The following ZNF212 variants were observed in gnomAD, a reference collection of about 807,000 sequenced individuals.
The protein encoded by ZNF212 is zinc finger protein 212, also known as Zinc finger protein C2H2-150.
In ZNF212, 32 loss-of-function variants were observed where a neutral mutation model predicts 47.3. That is an observed-to-expected ratio of 0.68 (90% confidence interval 0.51 to 0.91). The LOEUF is 0.91. Among genes scored for constraint, ZNF212 ranks in the 40% least tolerant of loss-of-function variants. The pLI is 0.00. For missense variants in ZNF212, 555 were observed against 622.8 expected (o/e 0.89, Z 1.16); for synonymous variants, 242 against 253.8 (o/e 0.95, Z 0.44).
intron 3 of ZNF212, among the ~76,000 whole-genome samples, chr7:149,251,645 G>A (rs769069691): frequency 2.2e-4 from 33 of 151,660 alleles, no homozygotes; most frequent in South Asian, 2.1e-4. Flanking sequence ...ATGCCACTGC[G>A]CCTGGCTAAT....
chr7:149,244,947 A>G (rs1169012906), intron 1 of ZNF212, among the ~76,000 whole-genome samples: 1 of 152,206 alleles, frequency 6.6e-6, no homozygotes, highest in African/African-American at 2.4e-5. Context: ...TGCAAAGTAG[A>G]TGATGATGTC....
rs1563189864 is a variant in ZNF212 at position 149,253,789 on chromosome 7, C to T, written c.862C>T (p.Pro288Ser). The T allele has an allele frequency of 6.2e-7, 1 of 1,614,024 alleles. No homozygotes were observed. The highest frequency in any genetic ancestry group is 2.2e-5 in the East Asian group (1 of 44,892). Reference protein sequence around the residue: ...VPSSSRTVGCPKQKSHRQVQL... With the variant: ...VPSSSRTVGCSKQKSHRQVQL... ...TAGCAGCAGCAGAACTGTGGGCTGC[C>T]CGAAGCAGAAATCTCATAGGCAGGT... Residue 288 changes from proline (P) to serine (S), a missense_variant, in exon 5 of 5, where the codon CCG becomes TCG. Coordinates refer to ENST00000335870, the MANE Select transcript of ZNF212 (RefSeq NM_012256.4).
At position 149,250,272 on chromosome 7, in the gene ZNF212, C is replaced by T. The variant is rs144451687; in HGVS notation, c.138C>T (p.Ala46=). ...AGATTTCACTCTGGACGGTGGTGGCCGCTATTCAGGCTGTGGAGAAGAAGA... is the reference window on the plus strand; with the variant it reads ...AGATTTCACTCTGGACGGTGGTGGCTGCTATTCAGGCTGTGGAGAAGAAGA... ...TTEISLWTVV[A]AIQAVEKKME... Residue 46 remains alanine (A), a synonymous_variant, in exon 2 of 5, where the codon GCC becomes GCT. Coordinates refer to ENST00000335870, the MANE Select transcript of ZNF212 (RefSeq NM_012256.4). The T allele has an allele frequency of 2.2e-5, 36 of 1,613,494 alleles. No individual in the cohort carries two copies. The highest frequency in any genetic ancestry group is 1.6e-4 in the Middle Eastern group (1 of 6,078).
chr7:149,254,417 G>A lies in ZNF212; in HGVS notation c.*2G>A. ...GGAAGGCCCAATGGCCTGCTTTAAG[G>A]GTGCAGCCCCTCGCCCGTCTGGGGG... On this transcript the variant is annotated 3_prime_UTR_variant, in exon 5 of 5. Transcript: ENST00000335870. The surrounding 1 kb of genome is among the most constrained non-coding windows in gnomAD (Gnocchi z 4.5). 6.3e-7 allele frequency: 1 copy of A among 1,591,858 alleles called. No homozygotes were observed. The highest frequency in any genetic ancestry group is 8.5e-7 in the Non-Finnish European group (1 of 1,175,084).
rs1458037407 is a variant in ZNF212, at chr7:149,254,085, C to A, written c.1158C>A (p.Thr386=). 2 of 1,612,742 alleles carry A rather than the reference C, an allele frequency of 1.2e-6. No homozygotes were observed. Among genetic ancestry groups the A allele is most frequent in the Non-Finnish European group, 1.7e-6 (2 of 1,179,458 alleles). ...RSFSCKVSLV[T]HQRCHLQEGP... ...TCAGCTGCAAGGTGAGCCTGGTGAC[C>A]CATCAGCGTTGCCACCTGCAGGAGG... Residue 386 remains threonine, a synonymous_variant, in exon 5 of 5, where the codon ACC becomes ACA. Transcript: ENST00000335870. The surrounding 1 kb of genome is among the most constrained non-coding windows in gnomAD (Gnocchi z 4.5).
At chr7:149,250,131 C>T (rs1354358377) in intron 1 of ZNF212, 28 bp from the exon 2 acceptor site, 3 of 1,485,924 alleles carry the variant, frequency 2.0e-6, no homozygotes, top group Middle Eastern at 1.8e-4. Context: ...TTGGAAGTGA[C>T]ATTGACCCTG....
intron 1 of ZNF212, among the ~76,000 whole-genome samples, chr7:149,242,029 T>C (rs1309293408): frequency 3.4e-5 from 5 of 147,452 alleles, no homozygotes; most frequent in African/African-American, 7.5e-5. Flanking sequence ...TTCTTTTTTT[T>C]TTTTTTTTTT....
In ZNF212 at chr7:149,253,775, G is replaced by C; in HGVS notation, c.848G>C (p.Arg283Thr). The change falls in exon 5 of 5, where the codon AGA becomes ACA. Residue 283 changes from arginine to threonine, a missense_variant. Physicochemically the swap from Arg to Thr is moderately conservative, Grantham distance 71. Coordinates refer to ENST00000335870, the MANE Select transcript of ZNF212 (RefSeq NM_012256.4). ...PVGSRVPSSS[R>T]TVGCPKQKSH... ...GGTAGTAGAGTTCCTAGCAGCAGCA[G>C]AACTGTGGGCTGCCCGAAGCAGAAA... The C allele has an allele frequency of 1.2e-6, 2 of 1,614,118 alleles. No individual in the cohort carries two copies. Among genetic ancestry groups the C allele is most frequent in the Non-Finnish European group, 1.7e-6 (2 of 1,179,956 alleles).
chr7:149,252,716 CCAGA>C lies in ZNF212; in HGVS notation c.557_560del (p.Thr186ArgfsTer29), dbSNP rs773254527. 1.2e-6 allele frequency: 2 copies of C among 1,614,056 alleles called. No individual in the cohort carries two copies. Among genetic ancestry groups the C allele is most frequent in the Admixed American group, 1.7e-5 (1 of 60,016 alleles). ...CTGTTTCCCACCCAGAGGTCCTTGG[CCAGA>C]CAGAGGGAGAAGCGGAGTTGGGTAC... On this transcript the variant is annotated frameshift_variant, in exon 4 of 5. Coordinates refer to ENST00000335870, the MANE Select transcript of ZNF212 (RefSeq NM_012256.4). LOFTEE classifies it high-confidence loss of function.
chr7:149,250,916 G>T, intron 3 of ZNF212, 109 bp downstream of exon 3: 1 of 1,470,434 alleles, frequency 6.8e-7, no homozygotes, highest in Non-Finnish European at 9.2e-7. Flanking sequence ...TGGGTCCTCT[G>T]TCGGCCTGCA....
chr7:149,250,851 A>T, intron 3 of ZNF212, 44 bp downstream of exon 3: 1 of 1,608,890 alleles, frequency 6.2e-7, no homozygotes, highest in Non-Finnish European at 8.5e-7. Context: ...CAGACATACT[A>T]CAATTCCTGG....
chr7:149,250,052 T>C, intron 1 of ZNF212, 107 bp from the exon 2 acceptor site: 1 of 1,137,942 alleles, frequency 8.8e-7, no homozygotes, highest in Non-Finnish European at 1.1e-6. Flanking sequence ...ACATGCTTTT[T>C]TTTAATTAAA....
Position 149,253,566 on chromosome 7 carries a change from G to A in ZNF212, c.639G>A (p.Gly213=), listed in dbSNP as rs369345145. 4.4e-6 allele frequency: 7 copies of A among 1,598,746 alleles called. No individual in the cohort carries two copies. Among genetic ancestry groups the A allele is most frequent in the Middle Eastern group, 3.3e-4 (2 of 6,010 alleles). Reference sequence around the variant, plus strand: ...TCTTCTTCCACTTTGCAGCAGGTGGGGTCATGATCAAACAGGAGCTACAGT... The same window carrying A: ...TCTTCTTCCACTTTGCAGCAGGTGGAGTCATGATCAAACAGGAGCTACAGT... ...EGPGGAHPAG[G]VMIKQELQYT... is the part of the protein sequence containing the mutation. Residue 213 remains glycine, a synonymous_variant, in exon 5 of 5, where the codon GGG becomes GGA. Transcript: ENST00000335870.
chr7:149,248,502 A>T (rs1025078000), intron 1 of ZNF212, among the ~76,000 whole-genome samples: 13 of 152,352 alleles, frequency 8.5e-5, no homozygotes, highest in Admixed American at 7.2e-4. Flanking sequence ...TGTTCCCATC[A>T]TGCTAGATAA....
At chr7:149,251,023 T>A (rs1359487143) in intron 3 of ZNF212, among the ~76,000 whole-genome samples, 2 of 151,048 alleles carry the variant, frequency 1.3e-5, no homozygotes, top group African/African-American at 4.9e-5. Context: ...CAGAGACTTT[T>A]GGAAAGCTCG....
chr7:149,250,261 A>G lies in ZNF212; in HGVS notation c.127A>G (p.Thr43Ala), dbSNP rs773318733. Residue 43 changes from threonine (T) to alanine (A), a missense_variant, in exon 2 of 5, where the codon ACG (threonine) becomes GCG (alanine). Coordinates refer to ENST00000335870, the MANE Select transcript of ZNF212 (RefSeq NM_012256.4). ...YFQTTEISLW[T>A]VVAAIQAVEK... is the part of the protein sequence containing the mutation. ...TCAGACCACCGAGATTTCACTCTGG[A>G]CGGTGGTGGCCGCTATTCAGGCTGT... The G allele has an allele frequency of 5.6e-6, 9 of 1,612,510 alleles. No homozygotes were observed. In the South Asian group the frequency reaches 9.9e-5, roughly 18 times the overall value.
At chr7:149,244,310 T>G (rs1420743989) in intron 1 of ZNF212, among the ~76,000 whole-genome samples, 1 of 152,120 alleles carries the variant, frequency 6.6e-6, no homozygotes, top group African/African-American at 2.4e-5. Context: ...TTATTTTTAT[T>G]TTTATTTTTA....
At position 149,254,178 on chromosome 7, in the gene ZNF212, C is replaced by T. The variant is rs764946388; in HGVS notation, c.1251C>T (p.His417=). 20 of 1,614,264 alleles carry T rather than the reference C, an allele frequency of 1.2e-5. No individual in the cohort carries two copies. Among genetic ancestry groups the T allele is most frequent in the Non-Finnish European group, 1.5e-5 (18 of 1,180,042 alleles). The part of the protein sequence containing the change: ...SPNSLVALPG[H]IPWRKSRSSL... ...ACAGCCTGGTTGCCCTGCCTGGCCA[C>T]ATCCCTTGGAGGAAAAGCCGGAGTT... The change falls in exon 5 of 5, where the codon CAC becomes CAT. Residue 417 remains histidine (H), a synonymous_variant. Coordinates refer to ENST00000335870, the MANE Select transcript of ZNF212 (RefSeq NM_012256.4). The surrounding 1 kb of genome is among the most constrained non-coding windows in gnomAD (Gnocchi z 4.5).
intron 1 of ZNF212, among the ~76,000 whole-genome samples, chr7:149,243,959 ACT>A (rs1350115435): frequency 6.6e-6 from 1 of 152,156 alleles, no homozygotes; most frequent in African/African-American, 2.4e-5. Flanking sequence ...ACAGACTCTC[ACT>A]CTGTCACCCA....
Sources: gnomAD v4.1 joint callset for allele counts (sites outside exome capture counted in the v4.1 genomes callset) on GRCh38, gnomAD v4.1.1 for gene constraint, Gnocchi (gnomAD v3.1) non-coding constraint, MANE v1.5 for transcripts, NCBI Gene and HGNC (gene_info 2026-07-23, HGNC 2026-07-21) for gene names.